THADA: variants seen among roughly 807,000 people sequenced by gnomAD.
The protein encoded by THADA is tRNA (32-2'-O)-methyltransferase regulator THADA.
In THADA, 213 loss-of-function variants were observed where a neutral mutation model predicts 219.8. The ratio of observed to expected loss-of-function variants is 0.97; its 90% confidence interval spans 0.87 to 1.09. The LOEUF (loss-of-function observed/expected upper bound fraction) is 1.09. THADA is among the 50% of genes least tolerant of loss of function. The probability of loss-of-function intolerance (pLI) is 0.00; values close to 1 mark genes in which losing one functional copy is unlikely to be tolerated. For synonymous variants in THADA, 1,018 were observed against 828.9 expected, an observed-to-expected ratio of 1.23 and a Z score of -3.92; for missense variants, 2,956 against 2,311.3, an observed-to-expected ratio of 1.28 and a Z score of -5.72.
At chr2:43,421,237 G>C (rs916160051) in intron 28 of THADA, among the ~76,000 whole-genome samples, 44 of 152,334 alleles carry the variant, frequency 2.9e-4, no homozygotes, top group African/African-American at 1.0e-3. Flanking sequence ...GTCACATAGT[G>C]AAACCAAGGG....
At chr2:43,275,797 A>C (rs958312033) in intron 36 of THADA, among the ~76,000 whole-genome samples, 56 of 152,056 alleles carry the variant, frequency 3.7e-4, no homozygotes, top group African/African-American at 1.3e-3. Flanking sequence ...TTGTACCTTC[A>C]TGGGTTCCTC....
intron 26 of THADA, among the ~76,000 whole-genome samples, chr2:43,476,312 G>C (rs1378215156): frequency 6.6e-6 from 1 of 152,162 alleles, no homozygotes; most frequent in Admixed American, 6.5e-5. Flanking sequence ...GCAGTGTCTG[G>C]ATATGATGGC....
intron 25 of THADA, among the ~76,000 whole-genome samples, chr2:43,491,729 T>C (rs1204608397): frequency 6.6e-6 from 1 of 152,198 alleles, no homozygotes; most frequent in Non-Finnish European, 1.5e-5. Context: ...ATGTATACAA[T>C]ATGATGTTCA....
At position 43,502,201 on chromosome 2, in the gene THADA, C is replaced by A. The variant is rs1689078943; in HGVS notation, c.3622-3246G>T. ...ACGCACTCCAGCCTGGGTGACAGAG[C>A]AAGATCCTATCAGTAAAAAATAATA... On this transcript the variant is annotated intron_variant, in intron 24 of 37. Coordinates refer to ENST00000405975, the MANE Select transcript of THADA (RefSeq NM_022065.5). 1.1e-4 allele frequency among the ~76,000 whole-genome samples: 16 copies of A among 152,218 alleles called. 1 individual carries two copies. The South Asian group carries it at 3.1e-3, about 30-fold the overall frequency.
intron 36 of THADA, among the ~76,000 whole-genome samples, chr2:43,244,206 C>T (rs1307198732): frequency 6.6e-6 from 1 of 152,044 alleles, no homozygotes; most frequent in African/African-American, 2.4e-5. Flanking sequence ...AAAAAGTGTG[C>T]ACTTCTTATT....
chr2:43,344,768 GT>G (rs767395296), intron 29 of THADA, among the ~76,000 whole-genome samples: 53 of 144,338 alleles, frequency 3.7e-4, no homozygotes, highest in Admixed American at 4.1e-4. Context: ...GGTTTTTTTT[GT>G]TTTTTTTTTT....
At chr2:43,254,398 G>A (rs1670104348) in intron 36 of THADA, among the ~76,000 whole-genome samples, 1 of 151,818 alleles carries the variant, frequency 6.6e-6, no homozygotes, top group Non-Finnish European at 1.5e-5. Context: ...CTTAGCCTTG[G>A]AATTCTCAGT....
intron 7 of THADA, among the ~76,000 whole-genome samples, chr2:43,583,467 C>A (rs954517530): frequency 6.6e-6 from 1 of 152,200 alleles, no homozygotes; most frequent in African/African-American, 2.4e-5. Context: ...CAGCAAAACA[C>A]AGAATAATCC....
intron 25 of THADA, among the ~76,000 whole-genome samples, chr2:43,493,722 C>A (rs891338967): frequency 1.3e-5 from 2 of 152,170 alleles, no homozygotes; most frequent in African/African-American, 2.4e-5. Flanking sequence ...CCACAAATTA[C>A]TTTCTGTTAA....
At chr2:43,405,347 T>C (rs1212602025) in intron 28 of THADA, among the ~76,000 whole-genome samples, 5 of 152,228 alleles carry the variant, frequency 3.3e-5, no homozygotes, top group African/African-American at 9.6e-5. Flanking sequence ...CAAGTTTGTA[T>C]CCAGTGAGTT....
intron 25 of THADA, among the ~76,000 whole-genome samples, chr2:43,487,870 T>G (rs1352792041): frequency 1.3e-5 from 2 of 152,178 alleles, no homozygotes; most frequent in African/African-American, 4.8e-5. Flanking sequence ...GGTATTTTGT[T>G]ATAGCAGCCC....
intron 25 of THADA, among the ~76,000 whole-genome samples, chr2:43,491,523 G>A (rs187935716): frequency 1.2e-4 from 18 of 152,226 alleles, no homozygotes; most frequent in African/African-American, 3.6e-4. Flanking sequence ...AGTCCCATAC[G>A]ATTATAATAT....
chr2:43,547,599 G>A (rs936849672), intron 20 of THADA, among the ~76,000 whole-genome samples: 8 of 151,924 alleles, frequency 5.3e-5, no homozygotes, highest in South Asian at 2.1e-4. Context: ...CTCCCTTCTC[G>A]CTTCATTTCA....
intron 31 of THADA, among the ~76,000 whole-genome samples, chr2:43,316,400 C>G (rs1290442226): frequency 6.6e-6 from 1 of 152,010 alleles, no homozygotes; most frequent in Non-Finnish European, 1.5e-5. Context: ...AATAAATAAA[C>G]AAGAAAAAAA....
intron 30 of THADA, among the ~76,000 whole-genome samples, chr2:43,330,562 G>A (rs1291468879): frequency 6.6e-6 from 1 of 152,206 alleles, no homozygotes; most frequent in African/African-American, 2.4e-5. Context: ...TAAAGCCTGC[G>A]TCAGTTACGG....
Position 43,592,384 on chromosome 2 carries a change from T to C in THADA, c.9A>G (p.Val3=). 6.2e-7 allele frequency: 1 copy of C among 1,600,334 alleles called. No homozygotes were observed. The highest frequency in any genetic ancestry group is 8.5e-7 in the Non-Finnish European group (1 of 1,172,744). The change falls in exon 2 of 38, where the codon GTA becomes GTG. Residue 3 remains valine (V), a synonymous_variant. Transcript: ENST00000405975. MG[V]KKKKEMQVAA... Reference sequence around the variant, plus strand: ...CAACTTGCATTTCTTTCTTCTTCTTTACACCCATTTTAAATAGAATTAATA... The same window carrying C: ...CAACTTGCATTTCTTTCTTCTTCTTCACACCCATTTTAAATAGAATTAATA...
rs564920397 is a variant in THADA at position 43,463,851 on chromosome 2, C to A, written c.3836+21383G>T. On this transcript the variant is annotated intron_variant, in intron 26 of 37. Coordinates refer to ENST00000405975, the MANE Select transcript of THADA (RefSeq NM_022065.5). The stretch of plus-strand genomic sequence containing the variant: ...AGGGAAGGAAAGAGCAGGATGGTTT[C>A]CTCTCAGTGCTCCAGACACAGGCAT... 6.6e-5 allele frequency among the ~76,000 whole-genome samples: 10 copies of A among 152,272 alleles called. 1 individual carries two copies. Among genetic ancestry groups the A allele is most frequent in the African/African-American group, 2.4e-4 (10 of 41,564 alleles).
At chr2:43,503,565 C>A (rs1398697025) in intron 24 of THADA, among the ~76,000 whole-genome samples, 1 of 152,074 alleles carries the variant, frequency 6.6e-6, no homozygotes, top group African/African-American at 2.4e-5. Context: ...GTGGAAGAAT[C>A]CACAGCATAA....
At chr2:43,400,432 T>C (rs972677897) in intron 28 of THADA, among the ~76,000 whole-genome samples, 9 of 143,356 alleles carry the variant, frequency 6.3e-5, no homozygotes, top group Non-Finnish European at 3.0e-5. Flanking sequence ...ATTCTTTAGG[T>C]GGAAAGATTA....
Sources: gnomAD v4.1 joint callset for allele counts (sites outside exome capture counted in the v4.1 genomes callset) on GRCh38, gnomAD v4.1.1 for gene constraint, MANE v1.5 for transcripts, NCBI Gene and HGNC (gene_info 2026-07-23, HGNC 2026-07-21) for gene names.